TENM4: variants seen among roughly 807,000 people sequenced by gnomAD.
TENM4 encodes the protein teneurin transmembrane protein 4, also known as teneurin-4.
In TENM4, 82 loss-of-function variants were observed where a neutral mutation model predicts 243.3. The ratio of observed to expected loss-of-function variants is 0.34; its 90% CI spans 0.28 to 0.40. TENM4 has a LOEUF of 0.40. TENM4 is among the 10% of genes least tolerant of loss of function. The probability of loss-of-function intolerance (pLI) is 1.00; values close to 1 mark genes in which losing one functional copy is unlikely to be tolerated. For synonymous variants in TENM4, 1,412 were observed against 1,456.3 expected, an observed-to-expected ratio of 0.97 and a Z score of 0.69; for missense variants, 3,138 against 3,673.3, an observed-to-expected ratio of 0.85 and a Z score of 3.77.
intron 3 of TENM4, among the ~76,000 whole-genome samples, chr11:79,163,917 T>C (rs545718721): frequency 7.7e-5 from 11 of 142,930 alleles, no homozygotes; most frequent in African/African-American, 2.8e-4. Context: ...TATATAGGTA[T>C]ATATCCATAT....
At chr11:79,185,982 A>C (rs138068622) in intron 3 of TENM4, among the ~76,000 whole-genome samples, 11 of 152,140 alleles carry the variant, frequency 7.2e-5, no homozygotes, top group Non-Finnish European at 1.6e-4. Context: ...GGTTAGTTTC[A>C]TTGTCCCAAT....
intron 2 of TENM4, among the ~76,000 whole-genome samples, chr11:79,253,862 T>C (rs1855655212): frequency 6.6e-6 from 1 of 152,048 alleles, no homozygotes; most frequent in Non-Finnish European, 1.5e-5. Context: ...TAGAAAAAAA[T>C]AGACAAAGAA....
intron 4 of TENM4, among the ~76,000 whole-genome samples, chr11:79,124,633 G>GTA (rs546461958): frequency 0.087 from 10,928 of 126,180 alleles, 576 homozygotes; most frequent in Non-Finnish European, 0.13. Context: ...ACATATGCAC[G>GTA]TATATATATA....
intron 2 of TENM4, among the ~76,000 whole-genome samples, chr11:79,224,820 G>T (rs894411205): frequency 1.3e-5 from 2 of 152,188 alleles, no homozygotes; most frequent in East Asian, 3.9e-4. Flanking sequence ...GCATGGTGGC[G>T]CATGCCTGTA....
intron 2 of TENM4, among the ~76,000 whole-genome samples, chr11:79,242,983 C>T (rs189169592): frequency 1.2e-4 from 18 of 152,256 alleles, no homozygotes; most frequent in African/African-American, 3.1e-4. Flanking sequence ...GCCACTTGTT[C>T]GGGGCCTGGG....
chr11:79,145,670 T>G (rs1228052757), intron 4 of TENM4, among the ~76,000 whole-genome samples: 5 of 152,128 alleles, frequency 3.3e-5, no homozygotes, highest in Admixed American at 1.3e-4. Flanking sequence ...GTGAAAGTGC[T>G]GGTATGTATA....
chr11:79,013,584 A>G (rs1033296228), intron 6 of TENM4, among the ~76,000 whole-genome samples: 1 of 152,126 alleles, frequency 6.6e-6, no homozygotes, highest in Admixed American at 6.5e-5. Context: ...CTTCCTCTGG[A>G]GCGCCAACAG....
chr11:79,114,931 G>A (rs1861587827), intron 4 of TENM4, among the ~76,000 whole-genome samples: 1 of 152,170 alleles, frequency 6.6e-6, no homozygotes, highest in Non-Finnish European at 1.5e-5. Context: ...TTTAGCACAT[G>A]TTTATTAAGC....
At chr11:79,027,567 C>T (rs1859113223) in intron 6 of TENM4, among the ~76,000 whole-genome samples, 1 of 152,200 alleles carries the variant, frequency 6.6e-6, no homozygotes, top group South Asian at 2.1e-4. Context: ...CCTGCCTTCC[C>T]AAAAGCTCTG....
chr11:78,670,965 A>C (rs908758278), intron 31 of TENM4, among the ~76,000 whole-genome samples: 3 of 152,248 alleles, frequency 2.0e-5, no homozygotes, highest in African/African-American at 7.2e-5. Flanking sequence ...TATGTACAGC[A>C]GTCTGGCTTC....
chr11:78,922,703 G>A (rs185542361), intron 6 of TENM4, among the ~76,000 whole-genome samples: 3 of 152,292 alleles, frequency 2.0e-5, no homozygotes, highest in Admixed American at 2.0e-4. Flanking sequence ...AGTTCAGCAG[G>A]CATCAGCCCC....
chr11:79,206,840 C>T (rs1220472088), intron 3 of TENM4, among the ~76,000 whole-genome samples: 4 of 152,184 alleles, frequency 2.6e-5, no homozygotes, highest in African/African-American at 9.7e-5. Context: ...TGGACTAATA[C>T]ACGCTCCTCA....
intron 18 of TENM4, among the ~76,000 whole-genome samples, chr11:78,763,630 AG>A (rs984033958): frequency 6.6e-6 from 1 of 152,180 alleles, no homozygotes; most frequent in African/African-American, 2.4e-5. Flanking sequence ...CCGGAGAACG[AG>A]GGAAAGGGGT....
chr11:78,705,669 A>G (rs886769888), intron 27 of TENM4, among the ~76,000 whole-genome samples: 5 of 152,246 alleles, frequency 3.3e-5, no homozygotes, highest in African/African-American at 1.2e-4. Context: ...CTTGTTGCAG[A>G]GTGATTTTCT....
intron 3 of TENM4, among the ~76,000 whole-genome samples, chr11:79,212,473 T>C (rs1322558574): frequency 6.6e-6 from 1 of 152,212 alleles, no homozygotes. Flanking sequence ...TTATTAAATG[T>C]TCTTGGACTT....
chr11:78,709,427 C>T (rs928945774), intron 26 of TENM4, among the ~76,000 whole-genome samples: 6 of 152,194 alleles, frequency 3.9e-5, no homozygotes, highest in African/African-American at 1.2e-4. Context: ...CTCAACATCA[C>T]CTGCTCCATT....
chr11:78,744,038 A>T (rs1480402970), intron 19 of TENM4, among the ~76,000 whole-genome samples: 4 of 152,182 alleles, frequency 2.6e-5, no homozygotes, highest in Admixed American at 1.3e-4. Context: ...AAATCCTTAA[A>T]CTGTTTTCTG....
intron 6 of TENM4, among the ~76,000 whole-genome samples, chr11:79,055,628 C>T (rs913501490): frequency 1.1e-4 from 17 of 152,178 alleles, no homozygotes; most frequent in African/African-American, 4.1e-4. Flanking sequence ...CACTGTCCTG[C>T]TCTTTCACAT....
chr11:79,366,153 C>T (rs1476542428), intron 1 of TENM4, among the ~76,000 whole-genome samples: 1 of 152,184 alleles, frequency 6.6e-6, no homozygotes, highest in Admixed American at 6.5e-5. Context: ...CACGAGACCT[C>T]CCCACAACTG....
Sources: gnomAD v4.1 joint callset for allele counts (sites outside exome capture counted in the v4.1 genomes callset) on GRCh38, gnomAD v4.1.1 for gene constraint, MANE v1.5 for transcripts, NCBI Gene and HGNC (gene_info 2026-07-23, HGNC 2026-07-21) for gene names.